Variants in PTPRD observed in about 807,000 individuals in gnomAD.
PTPRD encodes protein tyrosine phosphatase receptor type D.
Under a neutral mutation model 214.5 loss-of-function variants are expected in PTPRD, and 34 were observed. The observed-to-expected ratio is 0.16, with a 90% CI of 0.12 to 0.21. The LOEUF (loss-of-function observed/expected upper bound fraction) is 0.21. PTPRD is among the 10% of genes least tolerant of loss of function. The probability of loss-of-function intolerance (pLI) is 1.00; values close to 1 mark genes in which losing one functional copy is unlikely to be tolerated. For synonymous variants in PTPRD, 1,128 were observed against 845.7 expected (o/e 1.33, Z -5.79); for missense variants, 2,545 against 2,398.7 (o/e 1.06, Z -1.27).
At chr9:9,811,593 G>C (rs2047169246) in intron 5 of PTPRD, among the ~76,000 whole-genome samples, 1 of 152,088 alleles carries the variant, frequency 6.6e-6, no homozygotes, top group African/African-American at 2.4e-5. Context: ...TGTAGTCCCA[G>C]CTACTCAGAA....
At chr9:9,950,974 G>C (rs1283243003) in intron 4 of PTPRD, among the ~76,000 whole-genome samples, 1 of 152,074 alleles carries the variant, frequency 6.6e-6, no homozygotes. Context: ...TCTAAGAATA[G>C]AATTTGGGGG....
In PTPRD at chr9:8,470,864, A is replaced by C. The variant is rs568366725; in HGVS notation, c.3504+131T>G. The C allele has an allele frequency of 9.3e-6, 7 of 753,070 alleles. No homozygotes were observed. In the South Asian group the frequency reaches 1.1e-4, roughly 12 times the overall value. 46.6% of individuals were successfully genotyped at this position (753,070 alleles called of 1,614,324 possible). A position where few individuals can be genotyped will look rare whatever the true frequency, so the allele number is the denominator to read the frequency against. On this transcript the variant is annotated intron_variant, in intron 31 of 45. Transcript: ENST00000381196. ...AGGGGTTAGCATGCCCATAGCACTG[A>C]ACCATCCAACCAGCTAGGTATGGAG...
At position 8,501,033 on chromosome 9, in the gene PTPRD, T is replaced by G; in HGVS notation, c.1849A>C (p.Ser617Arg). The G allele has an allele frequency of 6.2e-7, 1 of 1,613,694 alleles. No individual in the cohort carries two copies. The highest frequency in any genetic ancestry group is 1.1e-5 in the South Asian group (1 of 91,066). The change falls in exon 24 of 46, where the codon AGT (serine) becomes CGT (arginine). Residue 617 changes from serine to arginine, a missense_variant. Physicochemically the swap from Ser to Arg is moderately radical, Grantham distance 110. Coordinates refer to ENST00000381196, the MANE Select transcript of PTPRD (RefSeq NM_002839.4). ...SKPSAPPQDI[S>R]CTSPSSTSIL... ...CTAGTGGAACTTGGGCTGGTGCAAC[T>G]AATGTCTTGAGGAGGAGCTGACGGC...
At chr9:10,184,634 C>T (rs1390366611) in intron 3 of PTPRD, among the ~76,000 whole-genome samples, 1 of 152,064 alleles carries the variant, frequency 6.6e-6, no homozygotes, top group Non-Finnish European at 1.5e-5. Flanking sequence ...GAATTATGCC[C>T]ACCTCTTTCC....
intron 14 of PTPRD, among the ~76,000 whole-genome samples, chr9:8,553,087 G>A (rs528481063): frequency 2.0e-5 from 3 of 152,236 alleles, no homozygotes; most frequent in South Asian, 2.1e-4. Flanking sequence ...ATGAAGAATC[G>A]TTAGAATGGC....
intron 36 of PTPRD, among the ~76,000 whole-genome samples, chr9:8,403,973 C>T (rs1436579135): frequency 1.3e-5 from 2 of 152,166 alleles, no homozygotes; most frequent in African/African-American, 4.8e-5. Context: ...CCATATAAAA[C>T]ATCAACTACA....
chr9:9,391,718 A>G (rs925894158), intron 9 of PTPRD, among the ~76,000 whole-genome samples: 1 of 152,172 alleles, frequency 6.6e-6, no homozygotes, highest in Non-Finnish European at 1.5e-5. Flanking sequence ...GTTTTTATTA[A>G]GTAGTAAAAC....
In PTPRD at chr9:8,543,999, C is replaced by T. The variant is rs370967062; in HGVS notation, c.353-15220G>A. The stretch of plus-strand genomic sequence containing the variant: ...TGTTGAGGTTACAGGCATGAGCCAC[C>T]ATGCCTGGCCAAAACATTTTAAATT... On this transcript the variant is annotated intron_variant, in intron 14 of 45. Coordinates refer to ENST00000381196, the MANE Select transcript of PTPRD (RefSeq NM_002839.4). Among the ~76,000 whole-genome samples the T allele has an allele frequency of 1.8e-4, 28 of 152,164 alleles. No homozygotes were observed. The East Asian group carries it at 4.8e-3, about 26-fold the overall frequency.
chr9:8,557,435 C>CACATAT (rs1554784085), intron 14 of PTPRD, among the ~76,000 whole-genome samples: 1 of 133,640 alleles, frequency 7.5e-6, no homozygotes, highest in African/African-American at 3.2e-5. Context: ...TTTGTAAATA[C>CACATAT]ATATATATAT....
chr9:8,766,577 A>G (rs1393760130), intron 11 of PTPRD, among the ~76,000 whole-genome samples: 1 of 152,226 alleles, frequency 6.6e-6, no homozygotes, highest in Non-Finnish European at 1.5e-5. Flanking sequence ...ACACTGCAGC[A>G]CAAAAGCACT....
At chr9:9,031,642 A>T (rs1194201019) in intron 10 of PTPRD, among the ~76,000 whole-genome samples, 1 of 152,082 alleles carries the variant, frequency 6.6e-6, no homozygotes, top group African/African-American at 2.4e-5. Context: ...AGTGACTGGA[A>T]TGTTGTATAT....
intron 11 of PTPRD, among the ~76,000 whole-genome samples, chr9:8,983,096 T>C (rs1340910025): frequency 6.6e-6 from 1 of 152,098 alleles, no homozygotes; most frequent in African/African-American, 2.4e-5. Context: ...ATAAATCATT[T>C]TTTCTTTAGT....
intron 8 of PTPRD, among the ~76,000 whole-genome samples, chr9:9,551,099 A>T (rs530751214): frequency 2.0e-5 from 3 of 152,086 alleles, no homozygotes; most frequent in African/African-American, 7.2e-5. Flanking sequence ...TTATAATTTA[A>T]TGTATATTCT....
At chr9:9,081,245 A>G (rs200007359) in intron 10 of PTPRD, among the ~76,000 whole-genome samples, 89 of 151,986 alleles carry the variant, frequency 5.9e-4, no homozygotes, top group African/African-American at 2.1e-3. Flanking sequence ...CCTTAATTTC[A>G]TTATTTACCC....
At chr9:10,222,123 C>A (rs1311894474) in intron 3 of PTPRD, among the ~76,000 whole-genome samples, 1 of 152,024 alleles carries the variant, frequency 6.6e-6, no homozygotes, top group Non-Finnish European at 1.5e-5. Flanking sequence ...TCTCTTATTA[C>A]TGAAACTGAA....
At chr9:10,187,111 C>A (rs2099337093) in intron 3 of PTPRD, among the ~76,000 whole-genome samples, 1 of 152,114 alleles carries the variant, frequency 6.6e-6, no homozygotes, top group African/African-American at 2.4e-5. Flanking sequence ...TGCTAATAAT[C>A]CATAAATGCT....
At chr9:8,505,327 TAAG>T (rs1033317203) in intron 22 of PTPRD, among the ~76,000 whole-genome samples, 48 of 152,038 alleles carry the variant, frequency 3.2e-4, no homozygotes, top group Admixed American at 8.5e-4. Flanking sequence ...ACAAATCAGT[TAAG>T]AAGAATTCAA....
chr9:8,815,331 C>T lies in PTPRD; in HGVS notation c.-103-81385G>A, dbSNP rs115443222. Among the ~76,000 whole-genome samples, 1,125 of 152,082 alleles carry T rather than the reference C, an allele frequency of 7.4e-3. 13 individuals are homozygous for T. Among genetic ancestry groups the T allele is most frequent in the African/African-American group, 0.026 (1,079 of 41,486 alleles). On this transcript the variant is annotated intron_variant, in intron 11 of 45. Transcript: ENST00000381196. ...GTAGGCTACTGAAACATACATTTTC[C>T]AAAATAATCCACAAAATCCAAAATA...
At chr9:9,604,331 T>A (rs2094000812) in intron 7 of PTPRD, among the ~76,000 whole-genome samples, 1 of 152,100 alleles carries the variant, frequency 6.6e-6, no homozygotes, top group Non-Finnish European at 1.5e-5. Context: ...TTTATCAAAG[T>A]CAATTAATAT....
Sources: gnomAD v4.1 joint callset for allele counts (sites outside exome capture counted in the v4.1 genomes callset) on GRCh38, gnomAD v4.1.1 for gene constraint, MANE v1.5 for transcripts, NCBI Gene and HGNC (gene_info 2026-07-23, HGNC 2026-07-21) for gene names.